The following CDK6 variants were observed in gnomAD, a reference collection of about 807,000 sequenced individuals.
The protein encoded by CDK6 is cyclin dependent kinase 6, also known as cyclin-dependent kinase 6.
A neutral mutation model predicts 37.1 loss-of-function variants in CDK6; 6 were observed. The observed-to-expected ratio is 0.16, with a 90% confidence interval of 0.09 to 0.32. The LOEUF (loss-of-function observed/expected upper bound fraction) is 0.32. Among genes scored for constraint, CDK6 ranks in the 10% least tolerant of loss-of-function variants. The pLI is 1.00. For synonymous variants in CDK6, 160 were observed against 161.3 expected (o/e 0.99, Z 0.06); for missense variants, 224 against 418.9 (o/e 0.53, Z 4.06).
chr7:92,606,637 A>AT lies in CDK6; in HGVS notation c.*8502dup, dbSNP rs5885811. On this transcript the variant is annotated 3_prime_UTR_variant, in exon 8 of 8. Transcript: ENST00000424848. ...CTAACAAGTCAAATTTCCAAATTAG[A>AT]TTTTTTTTTTTTACTTTCAAAACAT... is the stretch of plus-strand genomic sequence containing the variant. 152,396 of 220,804 alleles carry AT rather than the reference A, an allele frequency of 0.69. 47,626 individuals carry two copies. The highest frequency in any genetic ancestry group is 0.84 in the South Asian group (4,500 of 5,338). The allele number at this position is 220,804 out of a possible 1,614,324, so 13.7% of individuals were successfully genotyped here.
intron 5 of CDK6, among the ~76,000 whole-genome samples, chr7:92,665,074 C>T (rs961262205): frequency 9.2e-5 from 14 of 152,112 alleles, no homozygotes; most frequent in Non-Finnish European, 1.3e-4. Context: ...TGTGAGTCAC[C>T]ACGCCTGGCC....
chr7:92,799,416 C>T (rs1458899077), intron 2 of CDK6, among the ~76,000 whole-genome samples: 6 of 152,172 alleles, frequency 3.9e-5, no homozygotes, highest in Admixed American at 3.3e-4. Context: ...ACTTCTCCCT[C>T]TACTTCTCTT....
At chr7:92,801,925 C>T (rs1800586979) in intron 2 of CDK6, among the ~76,000 whole-genome samples, 1 of 151,588 alleles carries the variant, frequency 6.6e-6, no homozygotes, top group South Asian at 2.1e-4. Context: ...GCCACCCCGC[C>T]TCTCTTTTCG....
At chr7:92,682,258 C>T (rs1224090122) in intron 4 of CDK6, among the ~76,000 whole-genome samples, 1 of 152,160 alleles carries the variant, frequency 6.6e-6, no homozygotes, top group African/African-American at 2.4e-5. Context: ...TCTAATTTAC[C>T]TCCAATGCTC....
At position 92,623,096 on chromosome 7, in the gene CDK6, T is replaced by G. The variant is rs2116495137; in HGVS notation, c.648-10A>C. On this transcript the variant is annotated splice_polypyrimidine_tract_variant and intron_variant, in intron 5 of 7. Transcript: ENST00000424848. ...TCCACGAAAAAGAGGCCTAAAAGAA[T>G]AAAGATACATTTTAAATAAGAAATG... is the stretch of plus-strand genomic sequence containing the variant. The G allele has an allele frequency of 2.6e-6, 4 of 1,515,996 alleles. No homozygotes were observed. The highest frequency in any genetic ancestry group is 3.6e-6 in the Non-Finnish European group (4 of 1,096,460). The allele number at this position is 1,515,996 out of a possible 1,614,324, so 93.9% of individuals were successfully genotyped here. A position where few individuals can be genotyped will look rare whatever the true frequency, so the allele number is the denominator to read the frequency against.
intron 5 of CDK6, among the ~76,000 whole-genome samples, chr7:92,640,912 C>A (rs935018274): frequency 6.6e-6 from 1 of 152,144 alleles, no homozygotes; most frequent in Non-Finnish European, 1.5e-5. Flanking sequence ...TTGCAAATTT[C>A]ATTCACTCAA....
chr7:92,740,685 T>C (rs1303530288), intron 3 of CDK6, among the ~76,000 whole-genome samples: 1 of 152,210 alleles, frequency 6.6e-6, no homozygotes, highest in East Asian at 1.9e-4. Context: ...AATAAATTCA[T>C]ATTCATTTAC....
chr7:92,776,946 C>G (rs1799865870), intron 2 of CDK6, among the ~76,000 whole-genome samples: 2 of 152,122 alleles, frequency 1.3e-5, no homozygotes, highest in Admixed American at 6.5e-5. Flanking sequence ...GTTGCCGTTG[C>G]TTTTGGTGTT....
chr7:92,693,028 T>C lies in CDK6; in HGVS notation c.538-21493A>G, dbSNP rs79173875. ...TCTTTGCTCTTCACGGGGTACTTCT[T>C]GTACCCTTCTCAGTTGGTATTTTTA... On this transcript the variant is annotated intron_variant, in intron 4 of 7. Coordinates refer to ENST00000424848, the MANE Select transcript of CDK6 (RefSeq NM_001145306.2). 8.6e-3 allele frequency among the ~76,000 whole-genome samples: 1,303 copies of C among 152,304 alleles called. 22 individuals carry two copies. Among genetic ancestry groups the C allele is most frequent in the African/African-American group, 0.029 (1,190 of 41,554 alleles).
intron 5 of CDK6, among the ~76,000 whole-genome samples, chr7:92,651,056 A>G (rs1305630871): frequency 6.6e-6 from 1 of 151,958 alleles, no homozygotes; most frequent in East Asian, 1.9e-4. Flanking sequence ...CACCCAGCCA[A>G]TTTTTGTATT....
At chr7:92,813,167 C>T (rs879427882) in intron 2 of CDK6, among the ~76,000 whole-genome samples, 2 of 152,136 alleles carry the variant, frequency 1.3e-5, no homozygotes, top group Non-Finnish European at 2.9e-5. Flanking sequence ...TTTTTAAGGA[C>T]CCTGAAGTCC....
At chr7:92,789,906 T>C (rs1395912943) in intron 2 of CDK6, among the ~76,000 whole-genome samples, 2 of 152,164 alleles carry the variant, frequency 1.3e-5, no homozygotes, top group Non-Finnish European at 2.9e-5. Context: ...CCTCTCTCCT[T>C]CTTGATCTGG....
At chr7:92,825,133 A>AT (rs1256369349) in intron 2 of CDK6, among the ~76,000 whole-genome samples, 3 of 152,008 alleles carry the variant, frequency 2.0e-5, no homozygotes, top group Admixed American at 6.6e-5. Context: ...ACCACATACC[A>AT]TTTTTTGGGT....
chr7:92,785,311 T>A (rs1800098916), intron 2 of CDK6, among the ~76,000 whole-genome samples: 2 of 152,188 alleles, frequency 1.3e-5, no homozygotes, highest in South Asian at 4.1e-4. Context: ...ATTATTTCAT[T>A]TATATGAAAT....
chr7:92,680,689 T>A (rs1585394411), intron 4 of CDK6, among the ~76,000 whole-genome samples: 1 of 152,184 alleles, frequency 6.6e-6, no homozygotes, highest in Admixed American at 6.5e-5. Flanking sequence ...TACAGCTGCC[T>A]TGGCTCACAT....
chr7:92,712,977 C>A (rs984064482), intron 4 of CDK6, among the ~76,000 whole-genome samples: 1 of 152,050 alleles, frequency 6.6e-6, no homozygotes, highest in Admixed American at 6.6e-5. Context: ...GATTCTCCTG[C>A]CCCAGCCTGT....
intron 4 of CDK6, among the ~76,000 whole-genome samples, chr7:92,696,086 A>G (rs1797712325): frequency 6.6e-6 from 1 of 152,204 alleles, no homozygotes; most frequent in Admixed American, 6.5e-5. Flanking sequence ...TTCCAGCTTT[A>G]GGCAATGGAC....
chr7:92,727,189 T>C (rs1007137219), intron 3 of CDK6, among the ~76,000 whole-genome samples: 2 of 152,172 alleles, frequency 1.3e-5, no homozygotes, highest in Non-Finnish European at 1.5e-5. Flanking sequence ...ATAAGAATGG[T>C]GTATACAAGG....
intron 5 of CDK6, among the ~76,000 whole-genome samples, chr7:92,642,511 T>C (rs1224053917): frequency 6.6e-6 from 1 of 152,164 alleles, no homozygotes; most frequent in East Asian, 1.9e-4. Flanking sequence ...TTCTAATGTC[T>C]TCTGTTACCT....
Sources: allele counts gnomAD v4.1 joint callset (sites outside exome capture counted in the v4.1 genomes callset), GRCh38; gene constraint gnomAD v4.1.1; transcripts MANE v1.5; gene names NCBI Gene and HGNC (gene_info 2026-07-23, HGNC 2026-07-21).